Variants in ADGRB3 observed in about 807,000 individuals in gnomAD.
ADGRB3 encodes the protein adhesion G protein-coupled receptor B3.
In ADGRB3, 37 loss-of-function variants were observed where a neutral mutation model predicts 193.4. The ratio of observed to expected loss-of-function variants is 0.19; its 90% CI spans 0.15 to 0.25. The LOEUF (loss-of-function observed/expected upper bound fraction) is 0.25, where lower values mean the gene tolerates loss of function less well. ADGRB3 is among the 10% of genes least tolerant of loss of function. ADGRB3 has a pLI of 1.00. For synonymous variants in ADGRB3, 690 were observed against 644.2 expected (o/e 1.07, Z -1.08); for missense variants, 1,637 against 1,852.9 (o/e 0.88, Z 2.14).
At chr6:69,106,919 C>A (rs1429789767) in intron 17 of ADGRB3, among the ~76,000 whole-genome samples, 1 of 152,146 alleles carries the variant, frequency 6.6e-6, no homozygotes, top group African/African-American at 2.4e-5. Context: ...AGCATGAAAA[C>A]CTGCCTAGTA....
At chr6:69,048,410 C>A in intron 14 of ADGRB3, 76 bp downstream of exon 14, 3 of 1,387,538 alleles carry the variant, frequency 2.2e-6, no homozygotes, top group Non-Finnish European at 3.0e-6. Context: ...AGGTATAAAT[C>A]TTCATACATT....
chr6:69,125,537 T>C (rs1371766368), intron 17 of ADGRB3, among the ~76,000 whole-genome samples: 1 of 152,144 alleles, frequency 6.6e-6, no homozygotes, highest in Non-Finnish European at 1.5e-5. Context: ...GGACTGTCTA[T>C]GAACAGCCCT....
intron 15 of ADGRB3, among the ~76,000 whole-genome samples, chr6:69,060,625 G>A (rs998905460): frequency 3.3e-5 from 5 of 151,872 alleles, no homozygotes; most frequent in African/African-American, 4.8e-5. Flanking sequence ...ATTAAAAGCC[G>A]GTAACTAGGA....
intron 13 of ADGRB3, among the ~76,000 whole-genome samples, chr6:69,038,260 A>G (rs767823450): frequency 3.9e-5 from 6 of 152,026 alleles, no homozygotes; most frequent in Non-Finnish European, 8.8e-5. Flanking sequence ...CTCCTCTTAG[A>G]TTCCTGATTT....
At chr6:69,018,309 A>G (rs1189931247) in intron 12 of ADGRB3, 82 bp from the exon 13 acceptor site, 1 of 788,742 alleles carries the variant, frequency 1.3e-6, no homozygotes, top group East Asian at 2.6e-5. Flanking sequence ...TTGTGATTTC[A>G]TGTAGTTTAA....
chr6:68,958,978 T>C (rs1002092047), intron 8 of ADGRB3, among the ~76,000 whole-genome samples: 15 of 151,962 alleles, frequency 9.9e-5, no homozygotes, highest in Non-Finnish European at 1.5e-4. Context: ...AATTGCATTG[T>C]CCATCAGAAA....
chr6:68,728,364 A>G (rs547560954), intron 3 of ADGRB3, among the ~76,000 whole-genome samples: 28 of 151,552 alleles, frequency 1.8e-4, no homozygotes, highest in South Asian at 1.0e-3. Flanking sequence ...TTGGCAGTCT[A>G]TGAAAACCAC....
At chr6:68,943,758 T>A in intron 5 of ADGRB3, 72 bp from the exon 6 acceptor site, 1 of 1,357,508 alleles carries the variant, frequency 7.4e-7, no homozygotes, top group African/African-American at 1.4e-5. Flanking sequence ...TTTTGCTTTT[T>A]AATTATAAAG....
intron 3 of ADGRB3, among the ~76,000 whole-genome samples, chr6:68,819,295 G>A (rs143741236): frequency 8.6e-5 from 13 of 151,414 alleles, no homozygotes; most frequent in African/African-American, 2.9e-4. Context: ...ATTTCTCATC[G>A]CTCTCCTCCT....
chr6:69,141,249 G>T (rs1188868937), intron 17 of ADGRB3, among the ~76,000 whole-genome samples: 1 of 151,788 alleles, frequency 6.6e-6, no homozygotes, highest in Non-Finnish European at 1.5e-5. Flanking sequence ...TCAGCCTCCC[G>T]AGTAGCTGGG....
At chr6:69,245,397 T>C (rs180759438) in intron 20 of ADGRB3, among the ~76,000 whole-genome samples, 1 of 152,084 alleles carries the variant, frequency 6.6e-6, no homozygotes, top group Non-Finnish European at 1.5e-5. Flanking sequence ...TCTGTGAAGA[T>C]TTTTTTATTC....
chr6:69,265,774 T>G (rs1339230896), intron 20 of ADGRB3, among the ~76,000 whole-genome samples: 2 of 152,002 alleles, frequency 1.3e-5, no homozygotes, highest in Non-Finnish European at 2.9e-5. Context: ...ACATGTGTCC[T>G]GAAGCATATT....
At chr6:69,308,348 G>T (rs1768107697) in intron 20 of ADGRB3, among the ~76,000 whole-genome samples, 1 of 151,472 alleles carries the variant, frequency 6.6e-6, no homozygotes, top group Admixed American at 6.6e-5. Flanking sequence ...ATCCACCACA[G>T]TTTACAAATA....
chr6:69,304,339 A>G (rs1768018092), intron 20 of ADGRB3, among the ~76,000 whole-genome samples: 1 of 151,046 alleles, frequency 6.6e-6, no homozygotes, highest in African/African-American at 2.5e-5. Flanking sequence ...ACCTGAATAC[A>G]TTCAATAAGT....
chr6:68,744,302 G>T (rs1287280976), intron 3 of ADGRB3, among the ~76,000 whole-genome samples: 1 of 152,102 alleles, frequency 6.6e-6, no homozygotes, highest in Non-Finnish European at 1.5e-5. Context: ...GTGTAAATTA[G>T]TTCAACCATT....
chr6:68,697,122 G>T (rs1389147031), intron 3 of ADGRB3, among the ~76,000 whole-genome samples: 1 of 151,932 alleles, frequency 6.6e-6, no homozygotes, highest in African/African-American at 2.4e-5. Flanking sequence ...ATGTTAAAAA[G>T]AAAGCTTCCC....
chr6:68,878,489 T>C (rs1215831460), intron 3 of ADGRB3, among the ~76,000 whole-genome samples: 2 of 152,202 alleles, frequency 1.3e-5, no homozygotes, highest in African/African-American at 4.8e-5. Flanking sequence ...ATCCAAAGTA[T>C]ACAACATGCT....
chr6:69,377,588 G>A (rs1361214633), intron 30 of ADGRB3, among the ~76,000 whole-genome samples: 1 of 151,970 alleles, frequency 6.6e-6, no homozygotes, highest in Non-Finnish European at 1.5e-5. Flanking sequence ...AAGTTCTAAG[G>A]CTGGAAAACG....
chr6:69,366,626 C>T (rs1769573902), intron 29 of ADGRB3, among the ~76,000 whole-genome samples: 1 of 152,108 alleles, frequency 6.6e-6, no homozygotes, highest in African/African-American at 2.4e-5. Context: ...TTTCTCCTTT[C>T]TATTAGTGAT....
Sources: gnomAD v4.1 joint callset for allele counts (sites outside exome capture counted in the v4.1 genomes callset) on GRCh38, gnomAD v4.1.1 for gene constraint, MANE v1.5 for transcripts, NCBI Gene and HGNC (gene_info 2026-07-23, HGNC 2026-07-21) for gene names.